The following TEAD1 variants were observed in gnomAD, a reference collection of about 807,000 sequenced individuals.
TEAD1 encodes transcriptional enhancer factor TEF-1.
TEAD1 carries 9 observed loss-of-function variants against 54.9 expected under a neutral mutation model. The observed-to-expected ratio is 0.16, with a 90% CI of 0.10 to 0.29. The LOEUF (loss-of-function observed/expected upper bound fraction) is 0.29. Among genes scored for constraint, TEAD1 ranks in the 10% least tolerant of loss-of-function variants. TEAD1 has a pLI of 1.00. For missense variants in TEAD1, 387 were observed against 535.9 expected, an observed-to-expected ratio of 0.72 and a Z score of 2.74; for synonymous variants, 200 against 187.8, an observed-to-expected ratio of 1.07 and a Z score of -0.53.
At chr11:12,871,680 C>T (rs1947747810) in intron 5 of TEAD1, among the ~76,000 whole-genome samples, 4 of 152,156 alleles carry the variant, frequency 2.6e-5, no homozygotes. Context: ...GTCTGGGAAG[C>T]ACCACCACAC....
rs779097489 is a variant in TEAD1 at position 12,864,936 on chromosome 11, A to G, written c.330+36A>G. 6 of 1,610,378 alleles carry G rather than the reference A, an allele frequency of 3.7e-6. No individual in the cohort carries two copies. In the South Asian group the frequency reaches 6.6e-5, roughly 18 times the overall value. On this transcript the variant is annotated intron_variant, in intron 5 of 12. Transcript: ENST00000527636. ...TTCTGCTTTTTGGCTTGTGGTTGCTATGCATCTCACTTCCTGTTTTCCATG... is the reference window on the plus strand; with the variant it reads ...TTCTGCTTTTTGGCTTGTGGTTGCTGTGCATCTCACTTCCTGTTTTCCATG...
At chr11:12,799,273 C>T (rs1946001873) in intron 3 of TEAD1, among the ~76,000 whole-genome samples, 1 of 152,162 alleles carries the variant, frequency 6.6e-6, no homozygotes, top group African/African-American at 2.4e-5. Flanking sequence ...TTCATTATCC[C>T]ACTTCACAGA....
chr11:12,931,691 C>A (rs1331784573), intron 12 of TEAD1, among the ~76,000 whole-genome samples: 6 of 152,078 alleles, frequency 3.9e-5, no homozygotes, highest in African/African-American at 1.4e-4. Flanking sequence ...TTTCAAGCTA[C>A]CGATAGCTAT....
chr11:12,675,098 C>T (rs908407065), intron 1 of TEAD1, among the ~76,000 whole-genome samples: 11 of 146,528 alleles, frequency 7.5e-5, no homozygotes, highest in Non-Finnish European at 1.5e-4. Context: ...AACAGGCGGC[C>T]CCCGGCCGGC....
chr11:12,888,904 C>T (rs1948142454), intron 9 of TEAD1, among the ~76,000 whole-genome samples: 1 of 152,090 alleles, frequency 6.6e-6, no homozygotes, highest in African/African-American at 2.4e-5. Flanking sequence ...TTTTGTAGCC[C>T]AGGGCCGTAA....
chr11:12,695,281 T>A (rs2133830081), intron 2 of TEAD1, among the ~76,000 whole-genome samples: 1 of 152,370 alleles, frequency 6.6e-6, no homozygotes, highest in African/African-American at 2.4e-5. Context: ...GATTTCAGGC[T>A]GGTACAAAAA....
chr11:12,905,724 A>G (rs986818904), intron 10 of TEAD1, among the ~76,000 whole-genome samples: 5 of 152,200 alleles, frequency 3.3e-5, no homozygotes, highest in Non-Finnish European at 7.3e-5. Context: ...CAGAGACTCT[A>G]TACCCAGTCC....
intron 3 of TEAD1, among the ~76,000 whole-genome samples, chr11:12,789,302 T>C (rs906913244): frequency 2.6e-5 from 4 of 152,230 alleles, no homozygotes; most frequent in African/African-American, 9.6e-5. Flanking sequence ...ACCTGACACA[T>C]AAGCTCTCAG....
intron 5 of TEAD1, chr11:12,879,046 G>GCTC: frequency 1.9e-6 from 1 of 538,172 alleles, no homozygotes; most frequent in South Asian, 2.0e-5. Flanking sequence ...CATCCCCTAG[G>GCTC]CTCCTGGCTT....
chr11:12,933,782 A>C (rs1183105239), intron 12 of TEAD1, among the ~76,000 whole-genome samples: 1 of 152,202 alleles, frequency 6.6e-6, no homozygotes, highest in African/African-American at 2.4e-5. Context: ...TTTATGGATA[A>C]AGAATGTCAG....
At chr11:12,677,902 G>A (rs1030531401) in intron 2 of TEAD1, among the ~76,000 whole-genome samples, 5 of 152,154 alleles carry the variant, frequency 3.3e-5, no homozygotes, top group Admixed American at 1.3e-4. Flanking sequence ...TTAATTGTGA[G>A]CATAATTATG....
At chr11:12,872,665 CAACAGA>C (rs1259939037) in intron 5 of TEAD1, among the ~76,000 whole-genome samples, 1 of 152,148 alleles carries the variant, frequency 6.6e-6, no homozygotes, top group East Asian at 1.9e-4. Flanking sequence ...TTTATAAGGG[CAACAGA>C]AACAGTCTCA....
At chr11:12,776,416 T>C (rs1014152952) in intron 3 of TEAD1, among the ~76,000 whole-genome samples, 1 of 152,010 alleles carries the variant, frequency 6.6e-6, no homozygotes, top group Non-Finnish European at 1.5e-5. Context: ...TCCTAGAGGG[T>C]TGGGGGCTTC....
At chr11:12,885,095 A>G (rs1948059725) in intron 9 of TEAD1, among the ~76,000 whole-genome samples, 1 of 152,202 alleles carries the variant, frequency 6.6e-6, no homozygotes, top group Admixed American at 6.5e-5. Context: ...CATTTTACAG[A>G]TAAAGAAACT....
At chr11:12,879,004 G>T in intron 5 of TEAD1, 2 of 959,046 alleles carry the variant, frequency 2.1e-6, no homozygotes, top group East Asian at 6.1e-5. Flanking sequence ...GAAAAGACCC[G>T]TTCAGGAAAA....
rs1045829246 is a variant in TEAD1, at chr11:12,903,209, G to A, written c.873+1096G>A. Among the ~76,000 whole-genome samples, 4 of 152,128 alleles carry A rather than the reference G, an allele frequency of 2.6e-5. 1 individual carries two copies. Among genetic ancestry groups the A allele is most frequent in the Admixed American group, 2.6e-4 (4 of 15,282 alleles). On this transcript the variant is annotated intron_variant, in intron 10 of 12. Transcript: ENST00000527636. The stretch of plus-strand genomic sequence containing the variant: ...AAGGCTCGTAGATCACCAGAGACAG[G>A]CTTGTAGGTTGGGTACCTGGAGCTT...
At chr11:12,781,506 A>C (rs1477937265) in intron 3 of TEAD1, among the ~76,000 whole-genome samples, 2 of 152,198 alleles carry the variant, frequency 1.3e-5, no homozygotes, top group Non-Finnish European at 2.9e-5. Context: ...GAATGGACAG[A>C]GGATCTGACT....
At chr11:12,912,778 T>G (rs1197102247) in intron 10 of TEAD1, among the ~76,000 whole-genome samples, 1 of 152,172 alleles carries the variant, frequency 6.6e-6, no homozygotes, top group African/African-American at 2.4e-5. Context: ...CTCTGAAGTC[T>G]TCAGGGCTTC....
intron 1 of TEAD1, 86 bp downstream of exon 1, chr11:12,674,920 C>T (rs1378397811): frequency 1.3e-5 from 2 of 149,730 alleles, no homozygotes; most frequent in East Asian, 2.0e-4. Flanking sequence ...GCGGGCCGCT[C>T]TTTCTTTGCG....
Sources: allele counts gnomAD v4.1 joint callset (sites outside exome capture counted in the v4.1 genomes callset), GRCh38; gene constraint gnomAD v4.1.1; transcripts MANE v1.5; gene names NCBI Gene and HGNC (gene_info 2026-07-23, HGNC 2026-07-21).